FAT2: variants seen among roughly 807,000 people sequenced by gnomAD.
FAT2 encodes FAT atypical cadherin 2, also known as protocadherin Fat 2.
Under a neutral mutation model 295.3 loss-of-function variants are expected in FAT2, and 150 were observed. That is an observed-to-expected ratio of 0.51 (90% confidence interval 0.44 to 0.58). The LOEUF is 0.58. Ranked by LOEUF, FAT2 falls within the 20% of genes least tolerant of loss-of-function variation. The probability of loss-of-function intolerance (pLI) is 0.00; values close to 1 mark genes in which losing one functional copy is unlikely to be tolerated. For missense variants in FAT2, 4,868 were observed against 5,442.7 expected, an observed-to-expected ratio of 0.89 and a Z score of 3.32; for synonymous variants, 2,026 against 2,150.3, an observed-to-expected ratio of 0.94 and a Z score of 1.60.
intron 1 of FAT2, among the ~76,000 whole-genome samples, chr5:151,570,540 C>T (rs1464898099): frequency 1.3e-5 from 2 of 152,190 alleles, no homozygotes; most frequent in Admixed American, 6.5e-5. Flanking sequence ...AGCCCATCCC[C>T]GAACTCCAGC....
chr5:151,513,785 T>G (rs538470029), intron 20 of FAT2, among the ~76,000 whole-genome samples: 2 of 152,342 alleles, frequency 1.3e-5, no homozygotes, highest in African/African-American at 4.8e-5. Flanking sequence ...AATTAAGGTA[T>G]TTATGTTGAC....
At chr5:151,511,010 C>T (rs1439093490) in intron 21 of FAT2, 1 of 152,288 alleles carries the variant, frequency 6.6e-6, no homozygotes, top group African/African-American at 2.4e-5. Flanking sequence ...GAGCAGTTCT[C>T]AGCAGAAGAG....
Position 151,545,932 on chromosome 5 carries a change from C to G in FAT2, c.5195G>C (p.Gly1732Ala). Residue 1732 changes from glycine to alanine, a missense_variant, in exon 10 of 24, where the codon GGC becomes GCC. Physicochemically the swap from Gly to Ala is moderately conservative, Grantham distance 60. This residue lies in a region of FAT2 where 3,297 missense variants were observed against 3,669.4 expected (regional missense o/e 0.90). Transcript: ENST00000261800. ...AGTAAATGCACCTGCCATATTGCTG[C>G]CTCGGATTTTCAGCTGGTAAGACGA... Reference protein sequence around the residue: ...KISSYQLKIRGSNMAGAFTDV... With the variant: ...KISSYQLKIRASNMAGAFTDV... 5 of 1,614,070 alleles carry G rather than the reference C, an allele frequency of 3.1e-6. No individual in the cohort carries two copies. Among genetic ancestry groups the G allele is most frequent in the Non-Finnish European group, 4.2e-6 (5 of 1,180,006 alleles).
intron 4 of FAT2, among the ~76,000 whole-genome samples, chr5:151,555,410 G>A (rs1008763869): frequency 5.6e-5 from 7 of 124,686 alleles, no homozygotes; most frequent in East Asian, 2.4e-4. Flanking sequence ...TCGCTCTATC[G>A]CCCAGGCTGG....
chr5:151,537,027 C>T (rs1755392267), intron 12 of FAT2, among the ~76,000 whole-genome samples: 1 of 152,222 alleles, frequency 6.6e-6, no homozygotes, highest in South Asian at 2.1e-4. Flanking sequence ...GCTAACACTT[C>T]TGTGTCCACA....
At position 151,546,440 on chromosome 5, in the gene FAT2, C is replaced by T. The variant is rs186312412; in HGVS notation, c.4790-103G>A. 3.0e-4 allele frequency: 223 copies of T among 751,690 alleles called. 3 individuals carry two copies. In the African/African-American group the frequency reaches 3.6e-3, roughly 12 times the overall value. 46.6% of individuals were successfully genotyped at this position (751,690 alleles called of 1,614,324 possible). The stretch of plus-strand genomic sequence containing the variant: ...TCTATCACACAAAACCTGGACAGAG[C>T]AAAATCTGCATATAGTGTATACCCA... On this transcript the variant is annotated intron_variant, in intron 9 of 23. Transcript: ENST00000261800.
rs764126428 is a variant in FAT2, at chr5:151,563,601, C to T, written c.3298G>A (p.Ala1100Thr). 6.2e-7 allele frequency: 1 copy of T among 1,614,148 alleles called. No individual in the cohort carries two copies. The highest frequency in any genetic ancestry group is 8.5e-7 in the Non-Finnish European group (1 of 1,180,020). ...AATACCGTCAACCAGTAGTAAGATG[C>T]AAATTCTCGGTCCAGGGGTGCCAGA... ...QTLAPLDREF[A>T]SYYWLTVLAV... Residue 1100 changes from alanine (A) to threonine (T), a missense_variant, in exon 3 of 24, where the codon GCA becomes ACA. This residue lies in a region of FAT2 where 3,297 missense variants were observed against 3,669.4 expected (regional missense o/e 0.90). Transcript: ENST00000261800.
chr5:151,504,608 T>C lies in FAT2; in HGVS notation c.*957A>G, dbSNP rs2127561384. ...CTTCCAACCGGCCCTAAATAGGAGT[T>C]CAGACTTCCTTGTGTCTAGGGAAGA... On this transcript the variant is annotated 3_prime_UTR_variant, in exon 24 of 24. Transcript: ENST00000261800. 6.5e-6 allele frequency: 1 copy of C among 152,788 alleles called. No individual in the cohort carries two copies. The highest frequency in any genetic ancestry group is 6.5e-5 in the Admixed American group (1 of 15,310). 9.5% of individuals were successfully genotyped at this position (152,788 alleles called of 1,614,324 possible).
In FAT2 at chr5:151,538,843, AT is replaced by A. The variant is rs535453451; in HGVS notation, c.9040-898del. ...AGGTGCGTGCCACCACACCTGGCTA[AT>A]TTTTTTTTTTTTTGTATTTTTAGTA... On this transcript the variant is annotated intron_variant, in intron 11 of 23. Transcript: ENST00000261800. Among the ~76,000 whole-genome samples the A allele has an allele frequency of 7.6e-3, 1,098 of 143,582 alleles. 13 individuals are homozygous for A. The highest frequency in any genetic ancestry group is 0.026 in the Admixed American group (378 of 14,418). The allele number at this position is 143,582 out of a possible 152,430, so 94.2% of individuals were successfully genotyped here.
chr5:151,566,535 C>T lies in FAT2; in HGVS notation c.2397G>A (p.Gln799=), dbSNP rs748739608. 1 of 1,614,056 alleles carries T rather than the reference C, an allele frequency of 6.2e-7. No individual in the cohort carries two copies. The highest frequency in any genetic ancestry group is 1.1e-5 in the South Asian group (1 of 91,058). ...CTGTCAGCAGCTTCCAGGAGGACTTCTGGGGTGTGCCCAGGTCATATACTG... is the reference window on the plus strand; with the variant it reads ...CTGTCAGCAGCTTCCAGGAGGACTTTTGGGGTGTGCCCAGGTCATATACTG... ...NVTVYDLGTP[Q]KSSWKLLTVN... Residue 799 remains glutamine (Q), a synonymous_variant, in exon 2 of 24, where the codon CAG becomes CAA. Coordinates refer to ENST00000261800, the MANE Select transcript of FAT2 (RefSeq NM_001447.3).
intron 12 of FAT2, among the ~76,000 whole-genome samples, chr5:151,537,028 T>C (rs140071557): frequency 0.019 from 2,942 of 152,292 alleles, 62 homozygotes; most frequent in Admixed American, 0.06. Flanking sequence ...CTAACACTTC[T>C]GTGTCCACAA....
chr5:151,528,154 T>C (rs371919170), intron 15 of FAT2, 21 bp from the exon 16 acceptor site: 54 of 1,611,282 alleles, frequency 3.4e-5, no homozygotes, highest in Non-Finnish European at 4.2e-5. Context: ...GTAGGGGGAT[T>C]GTGAATGGAG....
At chr5:151,548,104 G>A (rs1166361863) in intron 9 of FAT2, among the ~76,000 whole-genome samples, 12 of 152,202 alleles carry the variant, frequency 7.9e-5, no homozygotes, top group Non-Finnish European at 1.5e-5. Flanking sequence ...CTTCAGCGGT[G>A]AATAGACTTC....
upstream of FAT2, among the ~76,000 whole-genome samples, chr5:151,593,917 C>T (rs371614147): frequency 1.1e-4 from 17 of 152,114 alleles, no homozygotes; most frequent in Middle Eastern, 3.4e-3. Flanking sequence ...GCAGGAGAAT[C>T]GCTTGAACCC....
rs751088281 is a variant in FAT2 at position 151,534,530 on chromosome 5, A to G, written c.9306T>C (p.His3102=). The change falls in exon 13 of 24, where the codon CAT becomes CAC. Residue 3102 remains histidine, a synonymous_variant. Transcript: ENST00000261800. Reference sequence around the variant, plus strand: ...GGGCATTGTCATTCACATCCTCCACATGGAGGGTGATGTCTGCCTGGCACG... The same window carrying G: ...GGGCATTGTCATTCACATCCTCCACGTGGAGGGTGATGTCTGCCTGGCACG... The part of the protein sequence containing the change: ...GRSCQADITL[H]VEDVNDNAPR... 4.3e-6 allele frequency: 7 copies of G among 1,613,922 alleles called. No individual in the cohort carries two copies. The Admixed American group carries it at 5.0e-5, about 12-fold the overall frequency.
At chr5:151,550,372 G>A (rs904707732) in intron 8 of FAT2, among the ~76,000 whole-genome samples, 5 of 152,152 alleles carry the variant, frequency 3.3e-5, no homozygotes. Context: ...AGAGAAAGCT[G>A]AGGTTGACAG....
At position 151,512,244 on chromosome 5, in the gene FAT2, G is replaced by A; in HGVS notation, c.11826C>T (p.Thr3942=). The change falls in exon 21 of 24, where the codon ACC becomes ACT. Residue 3942 remains threonine, a synonymous_variant. Transcript: ENST00000261800. The surrounding 1 kb of genome is among the most constrained non-coding windows in gnomAD (Gnocchi z 4.1). ...AGTAGTCACTGTGGAGGCAGCACTG[G>A]GTGAGGGCTTGTGTCTCCAGCAAGC... ...VAGLLETQAL[T]QCCLHSDYCS... is the part of the protein sequence containing the mutation. The A allele has an allele frequency of 6.2e-7, 1 of 1,614,204 alleles. No homozygotes were observed. Among genetic ancestry groups the A allele is most frequent in the Non-Finnish European group, 8.5e-7 (1 of 1,180,036 alleles).
chr5:151,532,249 T>C (rs189057674), intron 13 of FAT2, among the ~76,000 whole-genome samples: 25 of 152,362 alleles, frequency 1.6e-4, no homozygotes, highest in African/African-American at 4.1e-4. Flanking sequence ...TATCAGTTTA[T>C]TAATGAAAAA....
chr5:151,559,462 C>T (rs529510939), intron 3 of FAT2, among the ~76,000 whole-genome samples: 1 of 152,218 alleles, frequency 6.6e-6, no homozygotes, highest in Non-Finnish European at 1.5e-5. Flanking sequence ...CCAGGAAGAG[C>T]ACAAGGACTA....
Sources: gnomAD v4.1 joint callset for allele counts (sites outside exome capture counted in the v4.1 genomes callset) on GRCh38, gnomAD v4.1.1 for gene constraint, gnomAD v4.1.1 regional missense constraint, Gnocchi (gnomAD v3.1) non-coding constraint, MANE v1.5 for transcripts, NCBI Gene and HGNC (gene_info 2026-07-23, HGNC 2026-07-21) for gene names.